Variants in TUSC3 observed in about 807,000 individuals in gnomAD.
TUSC3 encodes the protein dolichyl-diphosphooligosaccharide--protein glycosyltransferase subunit TUSC3.
In TUSC3, 45 loss-of-function variants were observed where a neutral mutation model predicts 44.8. The ratio of observed to expected loss-of-function variants is 1.00; its 90% CI spans 0.79 to 1.29. The LOEUF (loss-of-function observed/expected upper bound fraction) is 1.29. TUSC3 is among the 50% of genes most tolerant of loss of function. The pLI is 0.00. For synonymous variants in TUSC3, 212 were observed against 152.9 expected (o/e 1.39, Z -2.85); for missense variants, 519 against 437.9 (o/e 1.19, Z -1.65).
chr8:15,715,897 A>G (rs1810037747), intron 6 of TUSC3, among the ~76,000 whole-genome samples: 1 of 152,040 alleles, frequency 6.6e-6, no homozygotes, highest in Admixed American at 6.6e-5. Context: ...GGTATGATTT[A>G]TATACAAAAA....
chr8:15,755,682 C>A (rs352795), intron 9 of TUSC3, among the ~76,000 whole-genome samples: 1 of 151,630 alleles, frequency 6.6e-6, no homozygotes, highest in Non-Finnish European at 1.5e-5. Flanking sequence ...ACCCAAGCAA[C>A]TACTTTGGCA....
chr8:15,447,356 C>T (rs1213918626), intron 1 of TUSC3, among the ~76,000 whole-genome samples: 5 of 151,814 alleles, frequency 3.3e-5, no homozygotes, highest in Admixed American at 6.6e-5. Flanking sequence ...AAACTAAAGA[C>T]AAAAATTAAA....
intron 1 of TUSC3, among the ~76,000 whole-genome samples, chr8:15,585,229 C>G (rs1000752580): frequency 1.3e-5 from 2 of 152,122 alleles, no homozygotes; most frequent in African/African-American, 4.8e-5. Context: ...GGACAGAGTT[C>G]ACTTTTAGAT....
the TUSC3 span, among the ~76,000 whole-genome samples, chr8:15,817,210 G>GAAAT: frequency 3.3e-5 from 5 of 152,136 alleles, no homozygotes; most frequent in Non-Finnish European, 5.9e-5. Context: ...ACAACGTAGT[G>GAAAT]AAATAAATAA....
At chr8:15,568,136 G>C (rs1178873872) in intron 1 of TUSC3, among the ~76,000 whole-genome samples, 2 of 152,122 alleles carry the variant, frequency 1.3e-5, no homozygotes, top group African/African-American at 4.8e-5. Context: ...CTAGCAGAAT[G>C]ATTACCTTGC....
At chr8:15,561,976 G>T (rs902451851) in intron 1 of TUSC3, among the ~76,000 whole-genome samples, 1 of 152,290 alleles carries the variant, frequency 6.6e-6, no homozygotes, top group Non-Finnish European at 1.5e-5. Flanking sequence ...GCGTTGCTCA[G>T]GCTGGGAGCT....
chr8:15,591,134 G>A (rs935256091), intron 1 of TUSC3, among the ~76,000 whole-genome samples: 1 of 151,920 alleles, frequency 6.6e-6, no homozygotes, highest in East Asian at 1.9e-4. Context: ...CCTTTTTTTG[G>A]TTATTTCAGA....
intron 6 of TUSC3, among the ~76,000 whole-genome samples, chr8:15,691,071 C>G (rs75563340): frequency 8.6e-5 from 13 of 151,016 alleles, no homozygotes; most frequent in African/African-American, 3.2e-4. Flanking sequence ...AGAAATATCA[C>G]TGAATTTGTG....
At chr8:15,813,641 A>G in the TUSC3 span, among the ~76,000 whole-genome samples, 3 of 152,350 alleles carry the variant, frequency 2.0e-5, no homozygotes, top group East Asian at 1.9e-4. Context: ...TCATTTTTAT[A>G]TATTAATCTA....
At chr8:15,506,404 G>T (rs570158199) in intron 2 of TUSC3, among the ~76,000 whole-genome samples, 20 of 152,202 alleles carry the variant, frequency 1.3e-4, no homozygotes, top group African/African-American at 4.8e-4. Context: ...GTGTAAAAAC[G>T]GACCTTCTAA....
At chr8:15,771,612 A>C (rs2129227277), downstream of TUSC3, among the ~76,000 whole-genome samples, 1 of 152,302 alleles carries the variant, frequency 6.6e-6, no homozygotes, top group Non-Finnish European at 1.5e-5. Flanking sequence ...TAAACTGGAA[A>C]ACTAACAAAT....
In TUSC3 at chr8:15,673,801, C is replaced by G. The variant is rs753908862; in HGVS notation, c.763C>G (p.Pro255Ala). Residue 255 changes from proline to alanine, a missense_variant, in exon 6 of 11, where the codon CCA becomes GCA. Transcript: ENST00000503731. Reference protein sequence around the residue: ...GQMWNHIRGPPYAHKNPHNGQ... With the variant: ...GQMWNHIRGPAYAHKNPHNGQ... ...GATGTGGAACCATATCCGTGGACCT[C>G]CATATGCTCATAAGAACCCACACAA... 2.5e-6 allele frequency: 4 copies of G among 1,612,684 alleles called. No individual in the cohort carries two copies. The highest frequency in any genetic ancestry group is 1.1e-5 in the South Asian group (1 of 91,040).
chr8:15,671,038 T>G (rs2129182661), intron 5 of TUSC3, among the ~76,000 whole-genome samples: 1 of 152,004 alleles, frequency 6.6e-6, no homozygotes, highest in African/African-American at 2.4e-5. Flanking sequence ...CTAATACCAA[T>G]AATTGGTAAA....
At chr8:15,480,624 G>C (rs1416971390) in intron 1 of TUSC3, among the ~76,000 whole-genome samples, 3 of 152,054 alleles carry the variant, frequency 2.0e-5, no homozygotes, top group Non-Finnish European at 2.9e-5. Flanking sequence ...ATTTCTACTT[G>C]AGGCTTCCCT....
chr8:15,508,896 G>T (rs1585070320), intron 2 of TUSC3, among the ~76,000 whole-genome samples: 1 of 152,112 alleles, frequency 6.6e-6, no homozygotes, highest in Non-Finnish European at 1.5e-5. Flanking sequence ...CTTCCATGTA[G>T]GGTTGGCATT....
At position 15,669,472 on chromosome 8, in the gene TUSC3, T is replaced by C. The variant is rs150236471; in HGVS notation, c.709-4275T>C. Among the ~76,000 whole-genome samples the C allele has an allele frequency of 6.4e-3, 972 of 151,892 alleles. 5 individuals carry two copies. The highest frequency in any genetic ancestry group is 0.014 in the Middle Eastern group (4 of 294). On this transcript the variant is annotated intron_variant, in intron 5 of 10. Coordinates refer to ENST00000503731, the MANE Select transcript of TUSC3 (RefSeq NM_006765.4). ...CTGATAGGCCAGTCTTTCTCATGGA[T>C]ATAGATGCATTTATTCTAAACAAAA...
In TUSC3 at chr8:15,719,060, C is replaced by G. The variant is rs138450282; in HGVS notation, c.799-11606C>G. 3.3e-5 allele frequency among the ~76,000 whole-genome samples: 5 copies of G among 152,196 alleles called. No homozygotes were observed. The East Asian group carries it at 9.7e-4, about 30-fold the overall frequency. On this transcript the variant is annotated intron_variant, in intron 6 of 10. Coordinates refer to ENST00000503731, the MANE Select transcript of TUSC3 (RefSeq NM_006765.4). ...GCTTTACGTCATCAGCATCTTTTGT[C>G]TGGATTACTGTAGTAAACTTTCCCT...
At chr8:15,524,450 T>G (rs1801346007) in intron 2 of TUSC3, among the ~76,000 whole-genome samples, 1 of 152,176 alleles carries the variant, frequency 6.6e-6, no homozygotes, top group Non-Finnish European at 1.5e-5. Context: ...AATAACGTCT[T>G]ACATTTCCAT....
At chr8:15,644,161 C>T (rs115074224) in intron 2 of TUSC3, among the ~76,000 whole-genome samples, 3,442 of 152,146 alleles carry the variant, frequency 0.023, 120 homozygotes, top group African/African-American at 0.077. Flanking sequence ...AAGATTGTAG[C>T]ATTTAGATTA....
Sources: allele counts gnomAD v4.1 joint callset (sites outside exome capture counted in the v4.1 genomes callset), GRCh38; gene constraint gnomAD v4.1.1; transcripts MANE v1.5; gene names NCBI Gene and HGNC (gene_info 2026-07-23, HGNC 2026-07-21).